Variants in TMCC1 observed in about 807,000 individuals in gnomAD.
TMCC1 encodes transmembrane and coiled-coil domain family 1.
In TMCC1, 15 loss-of-function variants were observed where a neutral mutation model predicts 52.4. The ratio of observed to expected loss-of-function variants is 0.29; its 90% CI spans 0.19 to 0.44. TMCC1 has a LOEUF of 0.44. Among genes scored for constraint, TMCC1 ranks in the 20% least tolerant of loss-of-function variants. The pLI is 1.00. For synonymous variants in TMCC1, 279 were observed against 301.9 expected (o/e 0.92, Z 0.79); for missense variants, 503 against 806.0 (o/e 0.62, Z 4.55).
At chr3:129,715,705 T>TA (rs1491174734) in intron 4 of TMCC1, among the ~76,000 whole-genome samples, 12 of 152,134 alleles carry the variant, frequency 7.9e-5, no homozygotes, top group Admixed American at 7.9e-4. Flanking sequence ...ATTTTTATGG[T>TA]ATATATATAT....
chr3:129,790,288 C>A (rs966672606), intron 4 of TMCC1, among the ~76,000 whole-genome samples: 1 of 152,142 alleles, frequency 6.6e-6, no homozygotes, highest in African/African-American at 2.4e-5. Context: ...TATCTTAGAA[C>A]AATCTGTATG....
chr3:129,754,790 A>G (rs1052886134), intron 4 of TMCC1, among the ~76,000 whole-genome samples: 1 of 152,214 alleles, frequency 6.6e-6, no homozygotes, highest in Non-Finnish European at 1.5e-5. Context: ...TAAAAAACAG[A>G]AAAAAGGCTG....
chr3:129,718,097 G>A (rs1041685134), intron 4 of TMCC1, among the ~76,000 whole-genome samples: 3 of 152,106 alleles, frequency 2.0e-5, no homozygotes, highest in Non-Finnish European at 4.4e-5. Flanking sequence ...ATTAAGATTC[G>A]TGAATGAATG....
chr3:129,716,329 A>ATTTTTTT (rs71155569), intron 4 of TMCC1, among the ~76,000 whole-genome samples: 1 of 73,646 alleles, frequency 1.4e-5, no homozygotes, highest in African/African-American at 4.0e-5. Context: ...CACCTGGCAA[A>ATTTTTTT]TTTTTTTTTT....
intron 2 of TMCC1, among the ~76,000 whole-genome samples, chr3:129,856,832 T>C (rs1193409000): frequency 2.0e-5 from 3 of 152,124 alleles, no homozygotes; most frequent in Non-Finnish European, 4.4e-5. Context: ...GAAGAGTAAA[T>C]ATGTTGTGCC....
intron 6 of TMCC1, among the ~76,000 whole-genome samples, chr3:129,653,674 G>A (rs1230439606): frequency 2.0e-5 from 3 of 152,012 alleles, no homozygotes; most frequent in African/African-American, 7.2e-5. Flanking sequence ...TCCTGACCTT[G>A]TGATCCGCCC....
intron 1 of TMCC1, chr3:129,892,687 G>A (rs899480114): frequency 6.6e-6 from 1 of 152,194 alleles, no homozygotes; most frequent in African/African-American, 2.4e-5. Flanking sequence ...GTAGCCAACA[G>A]CTCAAGTGGG....
At position 129,651,981 on chromosome 3, in the gene TMCC1, A is replaced by T. The variant is rs2086360338; in HGVS notation, c.1648-186T>A. Among the ~76,000 whole-genome samples the T allele has an allele frequency of 6.6e-6, 1 of 152,222 alleles. No homozygotes were observed. The highest frequency in any genetic ancestry group is 2.1e-4 in the South Asian group (1 of 4,826). Reference sequence around the variant, plus strand: ...TATTCAAGTGATTATTATTCCCCCAAATTGCCCTCCACTGCATTCCAGTGG... The same window carrying T: ...TATTCAAGTGATTATTATTCCCCCATATTGCCCTCCACTGCATTCCAGTGG... On this transcript the variant is annotated intron_variant, in intron 6 of 6. Transcript: ENST00000393238. The surrounding 1 kb of genome is among the most constrained non-coding windows in gnomAD (Gnocchi z 5.1).
intron 4 of TMCC1, among the ~76,000 whole-genome samples, chr3:129,774,826 G>A (rs976342723): frequency 1.3e-5 from 2 of 152,096 alleles, no homozygotes; most frequent in African/African-American, 4.8e-5. Context: ...GGGTGTGAAT[G>A]GTAAAATGTG....
chr3:129,737,990 G>A (rs2051121825), intron 4 of TMCC1, among the ~76,000 whole-genome samples: 1 of 152,052 alleles, frequency 6.6e-6, no homozygotes, highest in African/African-American at 2.4e-5. Context: ...AGAGAGCTCA[G>A]CCAGGCGCAG....
chr3:129,788,389 G>A (rs1244179610), intron 4 of TMCC1, among the ~76,000 whole-genome samples: 1 of 152,076 alleles, frequency 6.6e-6, no homozygotes, highest in Non-Finnish European at 1.5e-5. Context: ...TTCCTATAGG[G>A]AGGTCATTCT....
At chr3:129,751,264 T>G (rs2052488852) in intron 4 of TMCC1, among the ~76,000 whole-genome samples, 1 of 151,838 alleles carries the variant, frequency 6.6e-6, no homozygotes, top group African/African-American at 2.4e-5. Flanking sequence ...GTACAGTGAC[T>G]CACATCTATA....
chr3:129,875,821 C>A (rs535808101), intron 2 of TMCC1, among the ~76,000 whole-genome samples: 1 of 152,286 alleles, frequency 6.6e-6, no homozygotes, highest in Non-Finnish European at 1.5e-5. Flanking sequence ...GCTACATAGA[C>A]TGGATACTTT....
At chr3:129,676,307 T>C (rs1410614442) in intron 4 of TMCC1, among the ~76,000 whole-genome samples, 1 of 149,362 alleles carries the variant, frequency 6.7e-6, no homozygotes, top group Non-Finnish European at 1.5e-5. Context: ...TAAAAATCAG[T>C]CAGTTAAATA....
At chr3:129,677,269 T>G (rs2088537032) in intron 4 of TMCC1, among the ~76,000 whole-genome samples, 1 of 152,040 alleles carries the variant, frequency 6.6e-6, no homozygotes. Flanking sequence ...AAAAGAATAG[T>G]GACTCAGGCT....
chr3:129,875,962 C>G (rs182456845), intron 2 of TMCC1, among the ~76,000 whole-genome samples: 1 of 151,972 alleles, frequency 6.6e-6, no homozygotes, highest in Non-Finnish European at 1.5e-5. Context: ...GGAGAAACCC[C>G]GTCTCTATTA....
chr3:129,866,357 A>G (rs1048576764), intron 2 of TMCC1, among the ~76,000 whole-genome samples: 1 of 119,976 alleles, frequency 8.3e-6, no homozygotes, highest in African/African-American at 3.3e-5. Flanking sequence ...TATACATAAT[A>G]TATATTTTAT....
chr3:129,867,334 T>A (rs1490736703), intron 2 of TMCC1, among the ~76,000 whole-genome samples: 1 of 152,174 alleles, frequency 6.6e-6, no homozygotes, highest in Non-Finnish European at 1.5e-5. Context: ...GCCTTCTTCT[T>A]CAACATTACA....
chr3:129,790,712 A>G (rs2056393127), intron 4 of TMCC1, among the ~76,000 whole-genome samples: 1 of 152,222 alleles, frequency 6.6e-6, no homozygotes, highest in Admixed American at 6.5e-5. Flanking sequence ...AAACATTATT[A>G]TAGAAACTCA....
Sources: allele counts gnomAD v4.1 joint callset (sites outside exome capture counted in the v4.1 genomes callset), GRCh38; gene constraint gnomAD v4.1.1; non-coding constraint Gnocchi (gnomAD v3.1); transcripts MANE v1.5; gene names NCBI Gene and HGNC (gene_info 2026-07-23, HGNC 2026-07-21).